RNGTT: variants seen among roughly 807,000 people sequenced by gnomAD.
RNGTT encodes the protein RNA guanylyltransferase and 5'-phosphatase, also known as mRNA-capping enzyme.
A neutral mutation model predicts 79.3 loss-of-function variants in RNGTT; 33 were observed. That is an observed-to-expected ratio of 0.42 (90% CI 0.32 to 0.56). RNGTT has a LOEUF of 0.56. Among genes scored for constraint, RNGTT ranks in the 20% least tolerant of loss-of-function variants. The pLI is 0.17. For synonymous variants in RNGTT, 222 were observed against 235.9 expected (o/e 0.94, Z 0.54); for missense variants, 497 against 739.1 (o/e 0.67, Z 3.80).
chr6:88,776,340 A>G (rs1278915684), intron 12 of RNGTT, among the ~76,000 whole-genome samples: 1 of 141,324 alleles, frequency 7.1e-6, no homozygotes, highest in Non-Finnish European at 1.5e-5. Context: ...TTTTTTTGAG[A>G]CGGAGTTTCC....
intron 13 of RNGTT, among the ~76,000 whole-genome samples, chr6:88,755,045 G>T (rs1055762718): frequency 5.9e-5 from 9 of 152,084 alleles, no homozygotes; most frequent in African/African-American, 2.2e-4. Context: ...CTGGGTTGGG[G>T]TCTCCATGAC....
chr6:88,647,924 C>T (rs908094392), intron 14 of RNGTT, among the ~76,000 whole-genome samples: 10 of 150,890 alleles, frequency 6.6e-5, no homozygotes, highest in East Asian at 3.9e-4. Context: ...ATAACAACTA[C>T]GGAAAAGAAG....
At chr6:88,888,755 C>G (rs1402533598) in intron 8 of RNGTT, among the ~76,000 whole-genome samples, 1 of 152,188 alleles carries the variant, frequency 6.6e-6, no homozygotes, top group South Asian at 2.1e-4. Flanking sequence ...ACAGGCCAGG[C>G]ACGGTGGCTC....
intron 13 of RNGTT, among the ~76,000 whole-genome samples, chr6:88,743,727 CT>C (rs934604896): frequency 6.6e-6 from 1 of 152,182 alleles, no homozygotes; most frequent in Non-Finnish European, 1.5e-5. Context: ...TCTACAGACA[CT>C]ATATCCCTTC....
chr6:88,748,549 A>T (rs1288332311), intron 13 of RNGTT, among the ~76,000 whole-genome samples: 1 of 151,962 alleles, frequency 6.6e-6, no homozygotes, highest in Non-Finnish European at 1.5e-5. Context: ...ATTATACTTA[A>T]TTTTTTTACA....
chr6:88,861,137 C>G (rs562153020), intron 8 of RNGTT, among the ~76,000 whole-genome samples: 279 of 152,170 alleles, frequency 1.8e-3, no homozygotes, highest in Non-Finnish European at 3.2e-3. Context: ...TACAAGCTAC[C>G]TTTCTTCTCA....
chr6:88,811,487 T>C (rs1310337433), intron 11 of RNGTT, among the ~76,000 whole-genome samples: 2 of 152,174 alleles, frequency 1.3e-5, no homozygotes, highest in Non-Finnish European at 2.9e-5. Context: ...TGAATCATGA[T>C]GTAACCGAAA....
intron 2 of RNGTT, 112 bp from the exon 3 acceptor site, chr6:88,929,379 TG>T: frequency 1.5e-6 from 1 of 653,592 alleles, no homozygotes; most frequent in Non-Finnish European, 2.7e-6. Context: ...AGGGAGATTC[TG>T]TATGTACTTT....
At chr6:88,790,487 T>G (rs962596002) in intron 12 of RNGTT, among the ~76,000 whole-genome samples, 6 of 152,114 alleles carry the variant, frequency 3.9e-5, no homozygotes, top group East Asian at 3.9e-4. Context: ...TACCCAAGAG[T>G]GGACCCTAGC....
chr6:88,740,720 A>G (rs1025742854), intron 13 of RNGTT, among the ~76,000 whole-genome samples: 4 of 152,084 alleles, frequency 2.6e-5, no homozygotes, highest in Non-Finnish European at 5.9e-5. Flanking sequence ...ATGAGAACAC[A>G]TGGACACAAG....
chr6:88,736,960 G>A (rs968637795), intron 13 of RNGTT, among the ~76,000 whole-genome samples: 2 of 152,180 alleles, frequency 1.3e-5, no homozygotes, highest in South Asian at 4.1e-4. Context: ...GTTTCAACAA[G>A]CTAGGTTATT....
chr6:88,651,269 C>G (rs771802866), intron 14 of RNGTT, among the ~76,000 whole-genome samples: 2 of 152,048 alleles, frequency 1.3e-5, no homozygotes, highest in South Asian at 2.1e-4. Flanking sequence ...TAATAATATA[C>G]TATATATGAC....
At chr6:88,866,336 C>T (rs760145097) in intron 8 of RNGTT, among the ~76,000 whole-genome samples, 5 of 152,012 alleles carry the variant, frequency 3.3e-5, no homozygotes, top group Non-Finnish European at 5.9e-5. Flanking sequence ...TCCAGTGCTG[C>T]GACAATCCTA....
At chr6:88,816,739 AG>A (rs1780325587) in intron 11 of RNGTT, among the ~76,000 whole-genome samples, 1 of 152,222 alleles carries the variant, frequency 6.6e-6, no homozygotes, top group Admixed American at 6.5e-5. Context: ...CCCTAGAATC[AG>A]TAATAAAACC....
rs35990941 is a variant in RNGTT at position 88,772,178 on chromosome 6, C to CA, written c.1339-2305dup. 1.9e-3 allele frequency among the ~76,000 whole-genome samples: 236 copies of CA among 123,136 alleles called. 3 individuals carry two copies. In the East Asian group the frequency reaches 0.02, roughly 10 times the overall value. The allele number at this position is 123,136 out of a possible 152,430, so 80.8% of individuals were successfully genotyped here. On this transcript the variant is annotated intron_variant, in intron 12 of 15. Transcript: ENST00000369485. Reference sequence around the variant, plus strand: ...TGAGCAACAGAGTGAAACTCTGTCTCAAAAAAAAAAAATGTGCAATAGCAT... The same window carrying CA: ...TGAGCAACAGAGTGAAACTCTGTCTCAAAAAAAAAAAAATGTGCAATAGCAT...
rs1421245282 is a variant in RNGTT at position 88,611,676 on chromosome 6, C to T, written c.*1043G>A. On this transcript the variant is annotated 3_prime_UTR_variant, in exon 16 of 16. Transcript: ENST00000369485. The stretch of plus-strand genomic sequence containing the variant: ...CTTGATATTTAGTTCCTACAGATGT[C>T]TACACTTTGCCTCTGCATTTATCTA... 6.6e-6 allele frequency: 1 copy of T among 152,538 alleles called. No individual in the cohort carries two copies. The highest frequency in any genetic ancestry group is 1.9e-4 in the East Asian group (1 of 5,188). 9.4% of individuals were successfully genotyped at this position (152,538 alleles called of 1,614,324 possible). A position where few individuals can be genotyped will look rare whatever the true frequency, so the allele number is the denominator to read the frequency against.
At chr6:88,794,481 TAACA>T (rs1215401147) in intron 12 of RNGTT, among the ~76,000 whole-genome samples, 5 of 152,208 alleles carry the variant, frequency 3.3e-5, no homozygotes, top group East Asian at 1.9e-4. Context: ...TTCATTCCTT[TAACA>T]AACAGTTTCT....
Position 88,610,911 on chromosome 6 carries a change from G to A in RNGTT, c.*1808C>T, listed in dbSNP as rs1012718740. The A allele has an allele frequency of 6.6e-6, 1 of 152,150 alleles. No individual in the cohort carries two copies. The highest frequency in any genetic ancestry group is 2.1e-4 in the South Asian group (1 of 4,824). The allele number at this position is 152,150 out of a possible 1,614,324, so 9.4% of individuals were successfully genotyped here. A position where few individuals can be genotyped will look rare whatever the true frequency, so the allele number is the denominator to read the frequency against. On this transcript the variant is annotated 3_prime_UTR_variant, in exon 16 of 16. Transcript: ENST00000369485. The stretch of plus-strand genomic sequence containing the variant: ...CACCGTGGAAGAGTCACTCGTCCTG[G>A]GGAAGCAGGCATCAGACTATTTGAA...
At chr6:88,918,410 C>CT (rs1784064956) in intron 4 of RNGTT, among the ~76,000 whole-genome samples, 1 of 151,796 alleles carries the variant, frequency 6.6e-6, no homozygotes, top group Admixed American at 6.6e-5. Flanking sequence ...AGTATAGATT[C>CT]TTTTAAAAAG....
Sources: gnomAD v4.1 joint callset for allele counts (sites outside exome capture counted in the v4.1 genomes callset) on GRCh38, gnomAD v4.1.1 for gene constraint, MANE v1.5 for transcripts, NCBI Gene and HGNC (gene_info 2026-07-23, HGNC 2026-07-21) for gene names.